Variants in NALF1 observed in about 807,000 individuals in gnomAD.
NALF1 encodes family with sequence similarity 155 member A.
In NALF1, 3 loss-of-function variants were observed where a neutral mutation model predicts 48.4. That is an observed-to-expected ratio of 0.06 (90% confidence interval 0.03 to 0.16). NALF1 has a LOEUF of 0.16. Ranked by LOEUF, NALF1 falls within the 10% of genes least tolerant of loss-of-function variation. The pLI is 1.00. For synonymous variants in NALF1, 262 were observed against 245.7 expected (o/e 1.07, Z -0.62); for missense variants, 526 against 571.5 (o/e 0.92, Z 0.81).
At chr13:107,227,325 T>C (rs1419119236) in intron 1 of NALF1, among the ~76,000 whole-genome samples, 1 of 152,212 alleles carries the variant, frequency 6.6e-6, no homozygotes, top group Non-Finnish European at 1.5e-5. Context: ...TAGCATTGAG[T>C]GTGCCTATAT....
intron 1 of NALF1, among the ~76,000 whole-genome samples, chr13:107,778,646 A>C (rs1326611587): frequency 6.6e-6 from 1 of 152,024 alleles, no homozygotes; most frequent in African/African-American, 2.4e-5. Flanking sequence ...TAAACTGCCT[A>C]TGTTTAGAAG....
At chr13:107,741,755 C>A (rs1246665285) in intron 1 of NALF1, among the ~76,000 whole-genome samples, 2 of 152,088 alleles carry the variant, frequency 1.3e-5, no homozygotes, top group Non-Finnish European at 2.9e-5. Context: ...GAGAAACTGG[C>A]TGAGATAATT....
chr13:107,341,717 A>G (rs60162493), intron 1 of NALF1, among the ~76,000 whole-genome samples: 8,065 of 151,378 alleles, frequency 0.053, 299 homozygotes, highest in African/African-American at 0.091. Flanking sequence ...TATAGTATAT[A>G]TGGATAGAGT....
chr13:107,634,259 A>G (rs1484054666), intron 1 of NALF1, among the ~76,000 whole-genome samples: 3 of 152,070 alleles, frequency 2.0e-5, no homozygotes, highest in African/African-American at 7.2e-5. Context: ...CCCCTTCTAC[A>G]TATTTATATT....
Position 107,866,146 on chromosome 13 carries a change from C to A in NALF1, c.451G>T (p.Asp151Tyr), listed in dbSNP as rs753572972. ...CCTAGAAAAAGAGCCTTGCCCCGGT[C>A]GTCTTTGCCTCGGTTGCCCTTGCCG... Reference protein sequence around the residue: ...GGGKGNRGKDDRGKALFLGNS... With the variant: ...GGGKGNRGKDYRGKALFLGNS... The change falls in exon 1 of 3, where the codon GAC (aspartate) becomes TAC (tyrosine). Residue 151 changes from aspartate to tyrosine, a missense_variant. Coordinates refer to ENST00000375915, the MANE Select transcript of NALF1 (RefSeq NM_001080396.3). This position sits in a 1 kb window ranked among gnomAD's most constrained non-coding sequence, Gnocchi z 4.4. 28 of 1,610,434 alleles carry A rather than the reference C, an allele frequency of 1.7e-5. No individual in the cohort carries two copies. Among genetic ancestry groups the A allele is most frequent in the Middle Eastern group, 1.7e-4 (1 of 6,034 alleles).
At chr13:107,835,650 CTTAG>C (rs1287376544) in intron 1 of NALF1, among the ~76,000 whole-genome samples, 7 of 152,086 alleles carry the variant, frequency 4.6e-5, no homozygotes, top group East Asian at 1.9e-4. Context: ...TGACTCAGGG[CTTAG>C]TTAGTTAATA....
At chr13:107,794,720 C>G (rs1878361793) in intron 1 of NALF1, among the ~76,000 whole-genome samples, 1 of 150,646 alleles carries the variant, frequency 6.6e-6, no homozygotes, top group Non-Finnish European at 1.5e-5. Flanking sequence ...ATTACAGGAT[C>G]ATTGTAGGAA....
At chr13:107,817,644 C>T (rs924250034) in intron 1 of NALF1, among the ~76,000 whole-genome samples, 1 of 152,122 alleles carries the variant, frequency 6.6e-6, no homozygotes, top group African/African-American at 2.4e-5. Context: ...CAATTTATCA[C>T]CAAATATAAA....
intron 1 of NALF1, among the ~76,000 whole-genome samples, chr13:107,850,867 C>T (rs1346533966): frequency 1.3e-5 from 2 of 151,876 alleles, no homozygotes; most frequent in African/African-American, 4.8e-5. Context: ...AGCACTCCTG[C>T]ACTCCAGCCT....
chr13:107,752,308 T>C lies in NALF1; in HGVS notation c.915+113374A>G, dbSNP rs557910062. Among the ~76,000 whole-genome samples, 5 of 152,262 alleles carry C rather than the reference T, an allele frequency of 3.3e-5. No homozygotes were observed. The South Asian group carries it at 1.0e-3, about 32-fold the overall frequency. ...TGGTTTAATAAGATAACGTTCTTTA[T>C]TGAGACTCAGAATTCCTTTTTGAAA... On this transcript the variant is annotated intron_variant, in intron 1 of 2. Coordinates refer to ENST00000375915, the MANE Select transcript of NALF1 (RefSeq NM_001080396.3).
chr13:107,496,876 C>G (rs1443321360), intron 1 of NALF1, among the ~76,000 whole-genome samples: 1 of 152,166 alleles, frequency 6.6e-6, no homozygotes, highest in Non-Finnish European at 1.5e-5. Flanking sequence ...ATCACGAGAA[C>G]AGCATAGGAA....
chr13:107,524,296 T>C (rs147403120), intron 1 of NALF1, among the ~76,000 whole-genome samples: 14 of 152,254 alleles, frequency 9.2e-5, no homozygotes, highest in African/African-American at 3.4e-4. Context: ...AGCCAGTTGA[T>C]TGAAAATGAT....
At chr13:107,195,441 G>A (rs375357741) in intron 2 of NALF1, among the ~76,000 whole-genome samples, 104 of 152,238 alleles carry the variant, frequency 6.8e-4, no homozygotes, top group African/African-American at 2.3e-3. Context: ...CTTCCTTTGC[G>A]GAATAAGCTG....
chr13:107,233,027 T>C (rs1041749171), intron 1 of NALF1, among the ~76,000 whole-genome samples: 1 of 152,208 alleles, frequency 6.6e-6, no homozygotes, highest in African/African-American at 2.4e-5. Flanking sequence ...TCAGTCCCCA[T>C]ATTCTTTTCT....
intron 2 of NALF1, among the ~76,000 whole-genome samples, chr13:107,196,624 T>C (rs910027006): frequency 3.0e-4 from 46 of 152,072 alleles, no homozygotes; most frequent in African/African-American, 1.1e-3. Context: ...GGCACTTACA[T>C]GTGGAATCTA....
intron 1 of NALF1, among the ~76,000 whole-genome samples, chr13:107,461,080 T>C (rs1884910889): frequency 6.6e-6 from 1 of 152,040 alleles, no homozygotes; most frequent in Non-Finnish European, 1.5e-5. Flanking sequence ...AAGACCAAAA[T>C]TTAGAGAATT....
At chr13:107,336,921 T>A (rs1365073293) in intron 1 of NALF1, among the ~76,000 whole-genome samples, 2 of 151,670 alleles carry the variant, frequency 1.3e-5, no homozygotes, top group African/African-American at 4.8e-5. Flanking sequence ...TGAATAATGA[T>A]CAATTGAATG....
intron 1 of NALF1, among the ~76,000 whole-genome samples, chr13:107,223,045 T>C (rs1049017766): frequency 6.6e-6 from 1 of 152,188 alleles, no homozygotes; most frequent in Non-Finnish European, 1.5e-5. Flanking sequence ...AGGCAAGCAA[T>C]AGAAATTGGG....
intron 1 of NALF1, among the ~76,000 whole-genome samples, chr13:107,363,473 C>A (rs1789902916): frequency 6.6e-6 from 1 of 152,146 alleles, no homozygotes; most frequent in African/African-American, 2.4e-5. Context: ...GTGGCACACG[C>A]CTATAGTCCC....
Sources: gnomAD v4.1 joint callset for allele counts (sites outside exome capture counted in the v4.1 genomes callset) on GRCh38, gnomAD v4.1.1 for gene constraint, Gnocchi (gnomAD v3.1) non-coding constraint, MANE v1.5 for transcripts, NCBI Gene and HGNC (gene_info 2026-07-23, HGNC 2026-07-21) for gene names.